IL12RB2: variants seen among roughly 807,000 people sequenced by gnomAD.
The protein encoded by IL12RB2 is interleukin-12 receptor subunit beta-2.
Under a neutral mutation model 89.4 loss-of-function variants are expected in IL12RB2, and 82 were observed. The ratio of observed to expected loss-of-function variants is 0.92; its 90% confidence interval spans 0.77 to 1.10. IL12RB2 has a LOEUF of 1.10. IL12RB2 is among the 50% of genes least tolerant of loss of function. The probability of loss-of-function intolerance (pLI) is 0.00; values close to 1 mark genes in which losing one functional copy is unlikely to be tolerated. For synonymous variants in IL12RB2, 368 were observed against 370.1 expected, an observed-to-expected ratio of 0.99 and a Z score of 0.07; for missense variants, 963 against 1,031.9, an observed-to-expected ratio of 0.93 and a Z score of 0.92.
intron 5 of IL12RB2, among the ~76,000 whole-genome samples, chr1:67,327,697 C>A (rs1657518684): frequency 6.6e-6 from 1 of 152,134 alleles, no homozygotes; most frequent in Admixed American, 6.5e-5. Flanking sequence ...TGTGCTATTC[C>A]TGAGTGAGGA....
chr1:67,348,430 T>C (rs1262799280), intron 9 of IL12RB2, among the ~76,000 whole-genome samples: 1 of 152,180 alleles, frequency 6.6e-6, no homozygotes, highest in Non-Finnish European at 1.5e-5. Context: ...AGTCGAGAGC[T>C]CTGGGCTCTG....
chr1:67,331,303 T>C (rs1256214147), intron 8 of IL12RB2, among the ~76,000 whole-genome samples: 1 of 152,204 alleles, frequency 6.6e-6, no homozygotes, highest in Non-Finnish European at 1.5e-5. Context: ...ATTATAACAC[T>C]GTACTTCAAG....
chr1:67,348,503 C>G (rs917416730), intron 9 of IL12RB2, among the ~76,000 whole-genome samples: 3 of 152,038 alleles, frequency 2.0e-5, no homozygotes, highest in Non-Finnish European at 4.4e-5. Flanking sequence ...TCCCTGGGCC[C>G]CTGTTTTCCC....
At chr1:67,386,526 G>A in intron 14 of IL12RB2, 53 bp from the exon 15 acceptor site, 1 of 1,255,278 alleles carries the variant, frequency 8.0e-7, no homozygotes, top group South Asian at 1.2e-5. Flanking sequence ...TCAGGATTTT[G>A]AAATGTTCAT....
chr1:67,310,233 T>C (rs1400870502), intron 1 of IL12RB2, among the ~76,000 whole-genome samples: 2 of 148,866 alleles, frequency 1.3e-5, no homozygotes, highest in Non-Finnish European at 3.0e-5. Context: ...GGAAGTCTTA[T>C]ACAATTTCCT....
chr1:67,372,070 G>A (rs1663413170), intron 11 of IL12RB2, among the ~76,000 whole-genome samples: 1 of 95,326 alleles, frequency 1.0e-5, no homozygotes, highest in African/African-American at 2.8e-5. Context: ...CTGGGTGCGT[G>A]TGTGTGTCTG....
chr1:67,328,716 C>T (rs955187608), intron 6 of IL12RB2, among the ~76,000 whole-genome samples: 5 of 152,106 alleles, frequency 3.3e-5, no homozygotes, highest in Admixed American at 2.6e-4. Context: ...CAGTGCAAGC[C>T]CTTCTTGGAG....
intron 10 of IL12RB2, among the ~76,000 whole-genome samples, chr1:67,354,166 G>T (rs570214663): frequency 2.0e-4 from 30 of 152,138 alleles, no homozygotes; most frequent in Non-Finnish European, 4.3e-4. Context: ...ACAGAGAAAA[G>T]CCAAAGCATG....
In IL12RB2 at chr1:67,320,329, C is replaced by A; in HGVS notation, c.-36-4C>A. 5.6e-6 allele frequency: 9 copies of A among 1,613,556 alleles called. No homozygotes were observed. Among genetic ancestry groups the A allele is most frequent in the Non-Finnish European group, 7.6e-6 (9 of 1,179,712 alleles). ...ACATGAATGAATTTGTCTTCTTTTG[C>A]AAGGAAGAATACGGAGTTCTATACC... On this transcript the variant is annotated splice_region_variant and splice_polypyrimidine_tract_variant and intron_variant, in intron 2 of 16. Coordinates refer to ENST00000674203, the MANE Select transcript of IL12RB2 (RefSeq NM_001374259.2).
intron 4 of IL12RB2, among the ~76,000 whole-genome samples, chr1:67,323,745 G>A (rs748070643): frequency 2.6e-5 from 4 of 152,092 alleles, no homozygotes; most frequent in Non-Finnish European, 4.4e-5. Context: ...ACCAACCCAA[G>A]TAATTAGACA....
chr1:67,325,814 T>C (rs1238749967), intron 4 of IL12RB2, among the ~76,000 whole-genome samples: 2 of 152,086 alleles, frequency 1.3e-5, no homozygotes, highest in Non-Finnish European at 2.9e-5. Context: ...CTAAAGGAAA[T>C]ATGTATCTAC....
At chr1:67,310,848 C>T (rs1654955669) in intron 1 of IL12RB2, among the ~76,000 whole-genome samples, 1 of 152,316 alleles carries the variant, frequency 6.6e-6, no homozygotes, top group Admixed American at 6.5e-5. Flanking sequence ...CCTCAGCCTC[C>T]CAAATAGCTG....
intron 6 of IL12RB2, among the ~76,000 whole-genome samples, chr1:67,328,619 C>T (rs1380817588): frequency 1.3e-5 from 2 of 152,082 alleles, no homozygotes; most frequent in African/African-American, 4.8e-5. Context: ...AAGAAATTAG[C>T]CCCTGGATTC....
intron 8 of IL12RB2, among the ~76,000 whole-genome samples, chr1:67,331,797 C>T (rs1569839351): frequency 6.6e-6 from 1 of 152,192 alleles, no homozygotes; most frequent in African/African-American, 2.4e-5. Flanking sequence ...CAAGATTGTG[C>T]CACTGCAATC....
chr1:67,389,995 C>T, intron 15 of IL12RB2, 34 bp from the exon 16 acceptor site: 1 of 903,328 alleles, frequency 1.1e-6, no homozygotes. Flanking sequence ...TGTGTGCACA[C>T]CTAAGGAAAT....
At chr1:67,327,255 G>C (rs183365057) in intron 5 of IL12RB2, among the ~76,000 whole-genome samples, 3 of 152,012 alleles carry the variant, frequency 2.0e-5, no homozygotes, top group African/African-American at 7.3e-5. Context: ...CACGGTGCCC[G>C]GCCTATCTGT....
chr1:67,337,100 G>T (rs553360362), intron 8 of IL12RB2, among the ~76,000 whole-genome samples: 7 of 152,306 alleles, frequency 4.6e-5, no homozygotes, highest in Non-Finnish European at 8.8e-5. Flanking sequence ...GAGGAGGGGA[G>T]ATGGAGCTGT....
chr1:67,320,250 G>T lies in IL12RB2; in HGVS notation c.-36-83G>T, dbSNP rs1656315787. Reference sequence around the variant, plus strand: ...CAACAAGGTGGAGAAAAATAAAGCGGCACTTGAAGCTCTTCTGAGCTATTT... The same window carrying T: ...CAACAAGGTGGAGAAAAATAAAGCGTCACTTGAAGCTCTTCTGAGCTATTT... On this transcript the variant is annotated intron_variant, in intron 2 of 16. Transcript: ENST00000674203. 23 of 1,585,184 alleles carry T rather than the reference G, an allele frequency of 1.5e-5. No homozygotes were observed. The South Asian group carries it at 2.4e-4, about 16-fold the overall frequency.
intron 14 of IL12RB2, among the ~76,000 whole-genome samples, chr1:67,382,707 C>T (rs1214658518): frequency 1.4e-5 from 1 of 71,752 alleles, no homozygotes; most frequent in Non-Finnish European, 3.2e-5. Context: ...TCCAACTCTA[C>T]ATTTTTTTTT....
Sources: allele counts gnomAD v4.1 joint callset (sites outside exome capture counted in the v4.1 genomes callset), GRCh38; gene constraint gnomAD v4.1.1; transcripts MANE v1.5; gene names NCBI Gene and HGNC (gene_info 2026-07-23, HGNC 2026-07-21).